The following COPZ1 variants were observed in gnomAD, a reference collection of about 807,000 sequenced individuals.
COPZ1 encodes the protein coat protein complex I subunit zeta 1, also known as coatomer subunit zeta-1.
In COPZ1, 4 loss-of-function variants were observed where a neutral mutation model predicts 31.7. The observed-to-expected ratio is 0.13, with a 90% confidence interval of 0.06 to 0.29. The LOEUF is 0.29. Ranked by LOEUF, COPZ1 falls within the 10% of genes least tolerant of loss-of-function variation. The pLI, the probability that COPZ1 is intolerant of heterozygous loss-of-function variation, is 1.00. For missense variants in COPZ1, 156 were observed against 211.5 expected (o/e 0.74, Z 1.63); for synonymous variants, 74 against 79.0 (o/e 0.94, Z 0.33).
intron 1 of COPZ1, among the ~76,000 whole-genome samples, chr12:54,339,585 A>G (rs1323067933): frequency 6.6e-6 from 1 of 151,958 alleles, no homozygotes; most frequent in African/African-American, 2.4e-5. Context: ...GGCCTTAAGC[A>G]ATCCTCCTGC....
intron 5 of COPZ1, among the ~76,000 whole-genome samples, chr12:54,345,936 G>A (rs1161817472): frequency 1.2e-4 from 18 of 147,958 alleles, no homozygotes; most frequent in Non-Finnish European, 2.5e-4. Context: ...CAGCCTTGGC[G>A]ACAGAGTGAG....
intron 1 of COPZ1, among the ~76,000 whole-genome samples, chr12:54,333,548 T>C (rs963487508): frequency 3.9e-5 from 6 of 152,104 alleles, no homozygotes; most frequent in Admixed American, 3.9e-4. Flanking sequence ...CCCATTATAG[T>C]ACAAGTATTG....
intron 5 of COPZ1, among the ~76,000 whole-genome samples, chr12:54,345,846 G>A (rs1244566633): frequency 1.3e-5 from 2 of 151,464 alleles, no homozygotes; most frequent in Non-Finnish European, 2.9e-5. Context: ...AGTCCCAGGT[G>A]CTTGGGAGGC....
intron 1 of COPZ1, among the ~76,000 whole-genome samples, chr12:54,337,019 CAAAAAAA>C (rs1182592654): frequency 1.6e-3 from 99 of 61,634 alleles, no homozygotes; most frequent in Middle Eastern, 7.1e-3. Flanking sequence ...GAGACTGTCG[CAAAAAAA>C]AAAAAAAAAA....
At chr12:54,325,554 T>C (rs184486080) in intron 1 of COPZ1, 133 of 194,414 alleles carry the variant, frequency 6.8e-4, no homozygotes, top group Non-Finnish European at 8.3e-4. Flanking sequence ...AAGAAAAGAA[T>C]ACAGATGTTT....
chr12:54,335,152 C>CAACAAAGTGA (rs1169325296), intron 1 of COPZ1, among the ~76,000 whole-genome samples: 5 of 112,126 alleles, frequency 4.5e-5, no homozygotes, highest in Admixed American at 3.0e-4. Context: ...CCAGCCTGGA[C>CAACAAAGTGA]AACAAAGTGA....
At chr12:54,337,609 G>A (rs906615357) in intron 1 of COPZ1, among the ~76,000 whole-genome samples, 3 of 152,228 alleles carry the variant, frequency 2.0e-5, no homozygotes, top group Admixed American at 6.5e-5. Flanking sequence ...CCAGGCTGAA[G>A]TGGAACCAGC....
chr12:54,336,780 T>C (rs888520705), intron 1 of COPZ1, among the ~76,000 whole-genome samples: 42 of 151,882 alleles, frequency 2.8e-4, no homozygotes, highest in African/African-American at 9.2e-4. Flanking sequence ...TCCCAGCACT[T>C]TGGGAGGCCG....
chr12:54,335,050 T>C (rs1953832982), intron 1 of COPZ1, among the ~76,000 whole-genome samples: 1 of 152,004 alleles, frequency 6.6e-6, no homozygotes, highest in African/African-American at 2.4e-5. Context: ...GGCAGTCACC[T>C]GTAATCCCAG....
At chr12:54,337,275 A>C (rs761675247) in intron 1 of COPZ1, 1 of 534,746 alleles carries the variant, frequency 1.9e-6, no homozygotes. Context: ...GGCTCTCTGA[A>C]AGTCAGTGCA....
intron 7 of COPZ1, among the ~76,000 whole-genome samples, chr12:54,349,301 A>G (rs1452157817): frequency 6.6e-6 from 1 of 152,152 alleles, no homozygotes; most frequent in Non-Finnish European, 1.5e-5. Flanking sequence ...TTTTCTGACT[A>G]GGGAATCAGG....
intron 4 of COPZ1, 140 bp downstream of exon 4, chr12:54,343,456 C>A: frequency 1.5e-6 from 1 of 679,684 alleles, no homozygotes; most frequent in Non-Finnish European, 2.6e-6. Context: ...AGAGATCCCA[C>A]CAGCCTCACA....
At chr12:54,347,708 T>C in intron 5 of COPZ1, 59 bp from the exon 6 acceptor site, 1 of 1,492,414 alleles carries the variant, frequency 6.7e-7, no homozygotes, top group South Asian at 1.2e-5. Flanking sequence ...TGAGACAAGG[T>C]CCTAGGATTT....
At chr12:54,340,100 G>A (rs191775945) in intron 1 of COPZ1, among the ~76,000 whole-genome samples, 31 of 151,520 alleles carry the variant, frequency 2.0e-4, no homozygotes, top group Admixed American at 3.3e-4. Context: ...TACTGCATTC[G>A]GACTGCAGAA....
intron 1 of COPZ1, among the ~76,000 whole-genome samples, chr12:54,331,173 C>CTTTTTTTTT (rs1000222358): frequency 5.0e-5 from 4 of 80,268 alleles, no homozygotes; most frequent in Non-Finnish European, 7.0e-5. Flanking sequence ...TTTTCACACT[C>CTTTTTTTTT]TTTTTTTTTT....
Position 54,350,490 on chromosome 12 carries a change from C to A in COPZ1, c.501C>A (p.Ala167=), listed in dbSNP as rs373760833. The A allele has an allele frequency of 6.2e-7, 1 of 1,614,068 alleles. No individual in the cohort carries two copies. Among genetic ancestry groups the A allele is most frequent in the East Asian group, 2.2e-5 (1 of 44,878 alleles). ...TATCTCTGCAGGTGCTGCAGTCAGC[C>A]AAAGAACAGATCAAGTGGTCACTCC... ...EQTVSQVLQS[A]KEQIKWSLLR Residue 167 remains alanine (A), a synonymous_variant, in exon 9 of 9, where the codon GCC becomes GCA. Transcript: ENST00000262061.
At chr12:54,338,821 G>A (rs768906820) in intron 1 of COPZ1, among the ~76,000 whole-genome samples, 1 of 152,046 alleles carries the variant, frequency 6.6e-6, no homozygotes, top group Non-Finnish European at 1.5e-5. Flanking sequence ...TCACCTTGTT[G>A]TCAAAAGACT....
chr12:54,349,056 T>TGTGGA (rs1269630799), intron 7 of COPZ1, among the ~76,000 whole-genome samples: 2 of 152,228 alleles, frequency 1.3e-5, no homozygotes, highest in Non-Finnish European at 1.5e-5. Flanking sequence ...CTCTCTTAAC[T>TGTGGA]GCTGTGGGCT....
chr12:54,348,716 G>A (rs1042523342), intron 7 of COPZ1, among the ~76,000 whole-genome samples: 2 of 151,982 alleles, frequency 1.3e-5, no homozygotes, highest in Non-Finnish European at 2.9e-5. Context: ...CAGCCTGGGC[G>A]ACAGAGTGAG....
Sources: gnomAD v4.1 joint callset for allele counts (sites outside exome capture counted in the v4.1 genomes callset) on GRCh38, gnomAD v4.1.1 for gene constraint, MANE v1.5 for transcripts, NCBI Gene and HGNC (gene_info 2026-07-23, HGNC 2026-07-21) for gene names.